DPYSL5: variants seen among roughly 807,000 people sequenced by gnomAD.
The protein encoded by DPYSL5 is dihydropyrimidinase-related protein 5.
In DPYSL5, 9 loss-of-function variants were observed where a neutral mutation model predicts 58.4. That is an observed-to-expected ratio of 0.15 (90% CI 0.09 to 0.27). The LOEUF (loss-of-function observed/expected upper bound fraction) is 0.27, where lower values mean the gene tolerates loss of function less well. DPYSL5 is among the 10% of genes least tolerant of loss of function. The pLI is 1.00. For missense variants in DPYSL5, 499 were observed against 770.6 expected (o/e 0.65, Z 4.17); for synonymous variants, 293 against 301.9 (o/e 0.97, Z 0.31).
chr2:26,884,239 A>T (rs111987963), intron 1 of DPYSL5, among the ~76,000 whole-genome samples: 1 of 152,128 alleles, frequency 6.6e-6, no homozygotes, highest in Non-Finnish European at 1.5e-5. Flanking sequence ...TAAAGCCCCA[A>T]TCGGGAGTCA....
chr2:26,921,818 A>ACATC (rs1242529644), intron 2 of DPYSL5, among the ~76,000 whole-genome samples: 3 of 152,112 alleles, frequency 2.0e-5, no homozygotes, highest in Non-Finnish European at 4.4e-5. Context: ...AGATGCTCTC[A>ACATC]CATCCATTGC....
At chr2:26,867,360 C>T (rs1264669880) in intron 1 of DPYSL5, among the ~76,000 whole-genome samples, 1 of 151,872 alleles carries the variant, frequency 6.6e-6, no homozygotes, top group African/African-American at 2.4e-5. Flanking sequence ...TTTAAAATTG[C>T]ATAATATCCC....
Position 26,941,978 on chromosome 2 carries a change from T to C in DPYSL5, c.1118T>C (p.Phe373Ser). ...GGAGGAAAGATGGATGAGAACCGTT[T>C]TGTGGCCGTTACCAGTTCCAACGCA... ...VVGGKMDENR[F>S]VAVTSSNAAK... The change falls in exon 10 of 13, where the codon TTT becomes TCT. Residue 373 changes from phenylalanine (F) to serine (S), a missense_variant. Physicochemically the swap from Phe to Ser is radical, Grantham distance 155 (BLOSUM62 -2). Around this residue, in one of 3 missense-constraint regions of DPYSL5, gnomAD observed 404 missense variants for 647.6 expected, o/e 0.62. Coordinates refer to ENST00000288699, the MANE Select transcript of DPYSL5 (RefSeq NM_020134.4). The C allele has an allele frequency of 6.2e-7, 1 of 1,614,194 alleles. No homozygotes were observed. The highest frequency in any genetic ancestry group is 8.5e-7 in the Non-Finnish European group (1 of 1,180,042).
chr2:26,884,549 C>A (rs535652939), intron 1 of DPYSL5, among the ~76,000 whole-genome samples: 1 of 152,182 alleles, frequency 6.6e-6, no homozygotes, highest in African/African-American at 2.4e-5. Flanking sequence ...CACACACACA[C>A]ACACACTCAG....
intron 1 of DPYSL5, among the ~76,000 whole-genome samples, chr2:26,860,370 A>C (rs1206765723): frequency 6.6e-6 from 1 of 152,210 alleles, no homozygotes; most frequent in Non-Finnish European, 1.5e-5. Flanking sequence ...GAAGATGCAG[A>C]CTGGATGCTG....
chr2:26,929,883 C>G (rs1251853167), intron 5 of DPYSL5, among the ~76,000 whole-genome samples: 2 of 152,214 alleles, frequency 1.3e-5, no homozygotes, highest in Admixed American at 1.3e-4. Flanking sequence ...CGCATTCCTG[C>G]CCTATTACCC....
intron 2 of DPYSL5, among the ~76,000 whole-genome samples, chr2:26,911,528 T>A (rs1465049602): frequency 2.6e-5 from 4 of 152,206 alleles, no homozygotes; most frequent in Non-Finnish European, 5.9e-5. Context: ...TTATAAATAT[T>A]GATGTAAATA....
rs773123619 is a variant in DPYSL5 at position 26,933,287 on chromosome 2, G to A, written c.744G>A (p.Val248=). The A allele has an allele frequency of 1.1e-5, 18 of 1,614,064 alleles. No homozygotes were observed. Among genetic ancestry groups the A allele is most frequent in the Non-Finnish European group, 1.5e-5 (18 of 1,180,030 alleles). The stretch of plus-strand genomic sequence containing the variant: ...ACTGTCCAATCTACCTGGTCAACGT[G>A]TCCAGTATCTCGGCTGGTGACGTTA... The part of the protein sequence containing the change: ...RTHCPIYLVN[V]SSISAGDVIA... The change falls in exon 7 of 13, where the codon GTG becomes GTA. Residue 248 remains valine (V), a synonymous_variant. Coordinates refer to ENST00000288699, the MANE Select transcript of DPYSL5 (RefSeq NM_020134.4). The surrounding 1 kb of genome is among the most constrained non-coding windows in gnomAD (Gnocchi z 4.2).
At chr2:26,912,168 C>A (rs1473160346) in intron 2 of DPYSL5, among the ~76,000 whole-genome samples, 1 of 152,170 alleles carries the variant, frequency 6.6e-6, no homozygotes, top group African/African-American at 2.4e-5. Flanking sequence ...CTTTGAAGGC[C>A]CCTCGGGCAG....
At chr2:26,907,772 C>G (rs1184352000) in intron 2 of DPYSL5, among the ~76,000 whole-genome samples, 2 of 152,210 alleles carry the variant, frequency 1.3e-5, no homozygotes, top group Admixed American at 6.5e-5. Context: ...TTCTCGCCAG[C>G]TGAAATAACT....
intron 5 of DPYSL5, among the ~76,000 whole-genome samples, chr2:26,931,152 A>G (rs1003586890): frequency 4.1e-5 from 2 of 48,804 alleles, no homozygotes; most frequent in African/African-American, 1.3e-4. Context: ...AAAAAAAAAA[A>G]ATATATATAT....
At position 26,933,269 on chromosome 2, in the gene DPYSL5, A is replaced by G. The variant is rs768650634; in HGVS notation, c.726A>G (p.Pro242=). The G allele has an allele frequency of 6.2e-7, 1 of 1,614,148 alleles. No homozygotes were observed. The highest frequency in any genetic ancestry group is 1.7e-5 in the Admixed American group (1 of 60,032). Residue 242 remains proline, a synonymous_variant, in exon 7 of 13, where the codon CCA becomes CCG. Transcript: ENST00000288699. The surrounding 1 kb of genome is among the most constrained non-coding windows in gnomAD (Gnocchi z 4.2). ...VITIANRTHC[P]IYLVNVSSIS... is the part of the protein sequence containing the mutation. Reference sequence around the variant, plus strand: ...TTTCTTGTGTTTAGACTCACTGTCCAATCTACCTGGTCAACGTGTCCAGTA... The same window carrying G: ...TTTCTTGTGTTTAGACTCACTGTCCGATCTACCTGGTCAACGTGTCCAGTA...
Position 26,934,471 on chromosome 2 carries a change from T to A in DPYSL5, c.791-107T>A. On this transcript the variant is annotated intron_variant, in intron 7 of 12. Transcript: ENST00000288699. The surrounding 1 kb of genome is among the most constrained non-coding windows in gnomAD (Gnocchi z 4.3). ...GCCCTGTGAGCTTGGGCAGGTCCCT[T>A]CCTGTCTCTGACCTCAGCTCCTTCA... 1 of 1,388,534 alleles carries A rather than the reference T, an allele frequency of 7.2e-7. No individual in the cohort carries two copies. The highest frequency in any genetic ancestry group is 9.8e-7 in the Non-Finnish European group (1 of 1,024,412). The allele number at this position is 1,388,534 out of a possible 1,614,324, so 86.0% of individuals were successfully genotyped here.
At chr2:26,863,338 C>T (rs1318850428) in intron 1 of DPYSL5, among the ~76,000 whole-genome samples, 1 of 152,330 alleles carries the variant, frequency 6.6e-6, no homozygotes, top group East Asian at 1.9e-4. Flanking sequence ...GAGTGTGGGA[C>T]AGTCTTGACC....
Position 26,927,288 on chromosome 2 carries a change from G to A in DPYSL5, c.456G>A (p.Lys152=). The change falls in exon 4 of 13, where the codon AAG becomes AAA. Residue 152 remains lysine (K), a synonymous_variant. Coordinates refer to ENST00000288699, the MANE Select transcript of DPYSL5 (RefSeq NM_020134.4). This position sits in a 1 kb window ranked among gnomAD's most constrained non-coding sequence, Gnocchi z 4.3. ...KAEMETLVRE[K]GVNSFQMFMT... is the part of the protein sequence containing the mutation. ...AAATGGAGACACTGGTGAGGGAGAA[G>A]GGTGTCAACTCGTTCCAGATGTTCA... 1 of 1,614,118 alleles carries A rather than the reference G, an allele frequency of 6.2e-7. No individual in the cohort carries two copies. The highest frequency in any genetic ancestry group is 8.5e-7 in the Non-Finnish European group (1 of 1,180,004).
chr2:26,940,320 C>A, intron 9 of DPYSL5, 148 bp downstream of exon 9: 1 of 998,944 alleles, frequency 1.0e-6, no homozygotes. Context: ...GTTTGTTTCA[C>A]TCAAAAACAA....
intron 1 of DPYSL5, among the ~76,000 whole-genome samples, chr2:26,894,232 C>G (rs1335064466): frequency 6.6e-6 from 1 of 152,102 alleles, no homozygotes; most frequent in Admixed American, 6.6e-5. Context: ...GCCCCATTTC[C>G]TATGTGCACC....
At chr2:26,920,239 T>C (rs1227717382) in intron 2 of DPYSL5, among the ~76,000 whole-genome samples, 1 of 152,120 alleles carries the variant, frequency 6.6e-6, no homozygotes, top group Non-Finnish European at 1.5e-5. Context: ...ATCTGTTAAG[T>C]TTGAGTAGTG....
At chr2:26,867,702 G>T (rs11676477) in intron 1 of DPYSL5, among the ~76,000 whole-genome samples, 6 of 151,966 alleles carry the variant, frequency 3.9e-5, no homozygotes, top group Non-Finnish European at 8.8e-5. Flanking sequence ...TGATCCGCCC[G>T]CCTCGGCCTC....
Sources: allele counts gnomAD v4.1 joint callset (sites outside exome capture counted in the v4.1 genomes callset), GRCh38; gene constraint gnomAD v4.1.1; regional missense constraint gnomAD v4.1.1; non-coding constraint Gnocchi (gnomAD v3.1); transcripts MANE v1.5; gene names NCBI Gene and HGNC (gene_info 2026-07-23, HGNC 2026-07-21).